Variants in FN1 observed in about 807,000 individuals in gnomAD.
FN1 encodes the protein fibronectin 1, also known as fibronectin.
Under a neutral mutation model 297.3 loss-of-function variants are expected in FN1, and 106 were observed. The ratio of observed to expected loss-of-function variants is 0.36; its 90% CI spans 0.30 to 0.42. The LOEUF (loss-of-function observed/expected upper bound fraction) is 0.42. FN1 is among the 10% of genes least tolerant of loss of function. The probability of loss-of-function intolerance (pLI) is 1.00; values close to 1 mark genes in which losing one functional copy is unlikely to be tolerated. For synonymous variants in FN1, 1,149 were observed against 1,152.6 expected, an observed-to-expected ratio of 1.00 and a Z score of 0.06; for missense variants, 2,690 against 3,124.9, an observed-to-expected ratio of 0.86 and a Z score of 3.32.
At position 215,434,731 on chromosome 2, in the gene FN1, C is replaced by T. The variant is rs1390352478; in HGVS notation, c.242G>A (p.Gly81Glu). 1.2e-6 allele frequency: 2 copies of T among 1,614,060 alleles called. No individual in the cohort carries two copies. The highest frequency in any genetic ancestry group is 3.3e-5 in the Admixed American group (2 of 60,004). The stretch of plus-strand genomic sequence containing the variant: ...ACTCTCGCAGTTAAAACCTCGGCTT[C>T]CTCCATAACAAGTACAAACCAACGC... ...GNALVCTCYG[G>E]SRGFNCESKP... is the part of the protein sequence containing the mutation. The change falls in exon 2 of 46, where the codon GGA becomes GAA. Residue 81 changes from glycine to glutamate, a missense_variant. This residue lies in a region of FN1 where 876 missense variants were observed against 1,058.1 expected (regional missense o/e 0.83). Coordinates refer to ENST00000354785, the MANE Select transcript of FN1 (RefSeq NM_212482.4).
At position 215,435,735 on chromosome 2, in the gene FN1, G is replaced by A; in HGVS notation, c.68C>T (p.Ser23Phe). The A allele has an allele frequency of 6.2e-7, 1 of 1,607,584 alleles. No homozygotes were observed. The change falls in exon 1 of 46, where the codon TCC becomes TTC. Residue 23 changes from serine (S) to phenylalanine (F), a missense_variant. Ser to Phe is a radical substitution (Grantham distance 155, BLOSUM62 -2). Transcript: ENST00000354785. The part of the protein sequence containing the change: ...AVQCLGTAVP[S>F]TGASKSKRQA... ...CCTCTTGCTCTTCGAGGCTCCCGTG[G>A]AGGGCACCGCTGTCCCCAGGCACTG... is the stretch of plus-strand genomic sequence containing the variant.
intron 18 of FN1, 49 bp downstream of exon 18, chr2:215,407,078 G>T: frequency 2.1e-6 from 3 of 1,428,374 alleles, no homozygotes; most frequent in South Asian, 1.1e-5. Context: ...CCTCCTTCAG[G>T]AACAATCCTG....
chr2:215,418,781 A>T (rs1159859501), intron 12 of FN1, among the ~76,000 whole-genome samples: 1 of 152,182 alleles, frequency 6.6e-6, no homozygotes, highest in Non-Finnish European at 1.5e-5. Context: ...TGATCAAACA[A>T]ATGAAAAGTT....
intron 5 of FN1, among the ~76,000 whole-genome samples, chr2:215,429,763 C>T (rs986724818): frequency 6.6e-6 from 1 of 152,144 alleles, no homozygotes; most frequent in African/African-American, 2.4e-5. Context: ...TATCTGCACC[C>T]CTATAATACC....
intron 13 of FN1, among the ~76,000 whole-genome samples, chr2:215,411,557 TAA>T (rs938363309): frequency 3.5e-4 from 53 of 152,112 alleles, no homozygotes; most frequent in African/African-American, 1.2e-3. Context: ...TAACAGAAAA[TAA>T]AGTCTCAGGT....
intron 17 of FN1, 83 bp downstream of exon 17, chr2:215,408,025 A>AG: frequency 1.1e-6 from 1 of 951,402 alleles, no homozygotes; most frequent in Non-Finnish European, 1.7e-6. Flanking sequence ...AGTGATATGC[A>AG]GGTCCGCAGT....
Position 215,375,378 on chromosome 2 carries a change from G to A in FN1, c.5993C>T (p.Ser1998Phe), listed in dbSNP as rs746983314. The A allele has an allele frequency of 7.4e-6, 12 of 1,612,132 alleles. No individual in the cohort carries two copies. In the South Asian group the frequency reaches 9.9e-5, roughly 13 times the overall value. Residue 1998 changes from serine to phenylalanine, a missense_variant, in exon 38 of 46, where the codon TCC becomes TTC. Physicochemically the swap from Ser to Phe is radical, Grantham distance 155. Transcript: ENST00000354785. ...IDASTAIDAP[S>F]NLRFLATTPN... The stretch of plus-strand genomic sequence containing the variant: ...TGTGGTGGCCAGGAAACGCAGGTTG[G>A]ATGGTGCATCAATGGCTGAAAGAAA...
chr2:215,391,853 T>C, intron 25 of FN1, 39 bp from the exon 26 acceptor site: 1 of 1,590,348 alleles, frequency 6.3e-7, no homozygotes, highest in Non-Finnish European at 8.6e-7. Flanking sequence ...TTAATGTAAT[T>C]TTAAAATTAA....
chr2:215,401,250 G>GAAA (rs1559475802), intron 20 of FN1, among the ~76,000 whole-genome samples: 1,249 of 44,632 alleles, frequency 0.028, 63 homozygotes, highest in African/African-American at 0.079. Context: ...AAGAAAGAAA[G>GAAA]GAAGAAAGAA....
chr2:215,403,014 C>G (rs1315869929), intron 20 of FN1, among the ~76,000 whole-genome samples: 1 of 152,062 alleles, frequency 6.6e-6, no homozygotes, highest in African/African-American at 2.4e-5. Flanking sequence ...CTATAGAATT[C>G]TACATTTTAG....
rs2055607922 is a variant in FN1, at chr2:215,370,259, GGGAGCCTGTGTCTAA to G, written c.6853+20_6853+34del. 6.2e-7 allele frequency: 1 copy of G among 1,611,122 alleles called. No individual in the cohort carries two copies. The highest frequency in any genetic ancestry group is 8.5e-7 in the Non-Finnish European group (1 of 1,177,530). On this transcript the variant is annotated intron_variant, in intron 41 of 45. Coordinates refer to ENST00000354785, the MANE Select transcript of FN1 (RefSeq NM_212482.4). The stretch of plus-strand genomic sequence containing the variant: ...AGCCCATCTCTGGTGTACAGCAGAG[GGGAGCCTGTGTCTAA>G]ATAGTACGTGTTTACATACCAGAGT...
At position 215,386,809 on chromosome 2, in the gene FN1, G is replaced by T; in HGVS notation, c.4492C>A (p.Pro1498Thr). The change falls in exon 28 of 46, where the codon CCC becomes ACC. Residue 1498 changes from proline to threonine, a missense_variant. By Grantham distance (38) the Pro-to-Thr change is conservative (BLOSUM62 -1). Around this residue, in one of 3 missense-constraint regions of FN1, gnomAD observed 1,743 missense variants for 1,945.2 expected, o/e 0.90. Transcript: ENST00000354785. ...AGGGTGATGGAATTCCGAGAGTGGGGCACCCGATCTTCTCGAGGTCTCCCA... is the reference window on the plus strand; with the variant it reads ...AGGGTGATGGAATTCCGAGAGTGGGTCACCCGATCTTCTCGAGGTCTCCCA... ...FSGRPREDRV[P>T]HSRNSITLTN... The T allele has an allele frequency of 6.2e-7, 1 of 1,613,894 alleles. No individual in the cohort carries two copies. The highest frequency in any genetic ancestry group is 1.3e-5 in the African/African-American group (1 of 74,952).
intron 43 of FN1, 72 bp from the exon 44 acceptor site, chr2:215,365,057 T>C: frequency 1.1e-6 from 1 of 948,280 alleles, no homozygotes; most frequent in Non-Finnish European, 1.7e-6. Context: ...AGGGGTGGGT[T>C]CTATTTCTGT....
In FN1 at chr2:215,414,972, T is replaced by C; in HGVS notation, c.1820-14A>G. On this transcript the variant is annotated splice_polypyrimidine_tract_variant and intron_variant, in intron 12 of 45. Transcript: ENST00000354785. ...GACCACTTGAGCCTGAAAATGAAAA[T>C]GTAGCATTTAATTATCTTGAATATT... 1.2e-6 allele frequency: 2 copies of C among 1,608,650 alleles called. No individual in the cohort carries two copies. Among genetic ancestry groups the C allele is most frequent in the Non-Finnish European group, 1.7e-6 (2 of 1,175,220 alleles).
intron 23 of FN1, among the ~76,000 whole-genome samples, chr2:215,395,153 C>G (rs923208756): frequency 6.6e-6 from 1 of 152,082 alleles, no homozygotes; most frequent in Non-Finnish European, 1.5e-5. Flanking sequence ...AGTATAGAAT[C>G]GCTCTCCACC....
At position 215,370,540 on chromosome 2, in the gene FN1, C is replaced by CAAAAAAAAAAAAAAAA. The variant is rs377315833; in HGVS notation, c.6715-109_6715-108insTTTTTTTTTTTTTTTT. 39 of 304,962 alleles carry CAAAAAAAAAAAAAAAA rather than the reference C, an allele frequency of 1.3e-4. 2 individuals carry two copies. In the African/African-American group the frequency reaches 1.3e-3, roughly 10 times the overall value. 18.9% of individuals were successfully genotyped at this position (304,962 alleles called of 1,614,324 possible). A position where few individuals can be genotyped will look rare whatever the true frequency, so the allele number is the denominator to read the frequency against. On this transcript the variant is annotated intron_variant, in intron 40 of 45. Coordinates refer to ENST00000354785, the MANE Select transcript of FN1 (RefSeq NM_212482.4). ...ACTGTTTAAACAAAGCAAAGGAAGA[C>CAAAAAAAAAAAAAAAA]AAAAAACAAAAAACAAAAAAAAAAA...
chr2:215,362,180 G>T, intron 44 of FN1, 101 bp from the exon 45 acceptor site: 1 of 801,680 alleles, frequency 1.2e-6, no homozygotes, highest in South Asian at 1.4e-5. Context: ...CATATGCACT[G>T]GCAAAATATA....
chr2:215,390,247 G>A (rs1363412996), intron 26 of FN1, among the ~76,000 whole-genome samples: 2 of 152,248 alleles, frequency 1.3e-5, no homozygotes, highest in African/African-American at 2.4e-5. Flanking sequence ...GCAGTGGCAC[G>A]ATCATGGCTT....
chr2:215,409,050 C>T lies in FN1; in HGVS notation c.2299+513G>A, dbSNP rs755952466. Among the ~76,000 whole-genome samples the T allele has an allele frequency of 3.3e-5, 5 of 151,952 alleles. No individual in the cohort carries two copies. In the East Asian group the frequency reaches 5.8e-4, roughly 18 times the overall value. On this transcript the variant is annotated intron_variant, in intron 15 of 45. Coordinates refer to ENST00000354785, the MANE Select transcript of FN1 (RefSeq NM_212482.4). ...TAAGAGTCAGGGTAGTGATTATTGG[C>T]GGAAGATGATGGGGTGAGGGTAGAG...
Sources: gnomAD v4.1 joint callset for allele counts (sites outside exome capture counted in the v4.1 genomes callset) on GRCh38, gnomAD v4.1.1 for gene constraint, gnomAD v4.1.1 regional missense constraint, MANE v1.5 for transcripts, NCBI Gene and HGNC (gene_info 2026-07-23, HGNC 2026-07-21) for gene names.